Variants in EBF1 observed in about 807,000 individuals in gnomAD.
The protein encoded by EBF1 is transcription factor COE1.
Under a neutral mutation model 68.4 loss-of-function variants are expected in EBF1, and 10 were observed. The ratio of observed to expected loss-of-function variants is 0.15; its 90% CI spans 0.09 to 0.25. The LOEUF is 0.25. Ranked by LOEUF, EBF1 falls within the 10% of genes least tolerant of loss-of-function variation. The probability of loss-of-function intolerance (pLI) is 1.00; values close to 1 mark genes in which losing one functional copy is unlikely to be tolerated. For synonymous variants in EBF1, 298 were observed against 299.8 expected (o/e 0.99, Z 0.06); for missense variants, 509 against 794.4 (o/e 0.64, Z 4.32).
At chr5:158,729,871 T>A (rs1763731335) in intron 11 of EBF1, among the ~76,000 whole-genome samples, 1 of 152,208 alleles carries the variant, frequency 6.6e-6, no homozygotes, top group Non-Finnish European at 1.5e-5. Context: ...TTAGCGCTCC[T>A]CCTCTCCATG....
chr5:159,066,534 T>G (rs192681449), intron 6 of EBF1, among the ~76,000 whole-genome samples: 3 of 152,172 alleles, frequency 2.0e-5, no homozygotes, highest in South Asian at 4.2e-4. Context: ...TTTGCATCAT[T>G]TAACATATGT....
Position 158,905,027 on chromosome 5 carries a change from T to C in EBF1, c.555-64917A>G, listed in dbSNP as rs541667906. On this transcript the variant is annotated intron_variant, in intron 6 of 15. Coordinates refer to ENST00000313708, the MANE Select transcript of EBF1 (RefSeq NM_024007.5). The stretch of plus-strand genomic sequence containing the variant: ...CTCATATTATTCACATCTCACAGCA[T>C]TCTGTTTATCATCCCAGCTTCTCAC... Among the ~76,000 whole-genome samples, 83 of 152,330 alleles carry C rather than the reference T, an allele frequency of 5.4e-4. 2 individuals carry two copies. The highest frequency in any genetic ancestry group is 1.7e-3 in the African/African-American group (71 of 41,580).
chr5:158,988,545 G>C (rs186281699), intron 6 of EBF1, among the ~76,000 whole-genome samples: 1 of 152,264 alleles, frequency 6.6e-6, no homozygotes, highest in Non-Finnish European at 1.5e-5. Context: ...TCAAGAGTCA[G>C]TTTCTATTGC....
chr5:158,902,015 AG>A (rs924294930), intron 6 of EBF1, among the ~76,000 whole-genome samples: 2 of 152,054 alleles, frequency 1.3e-5, no homozygotes, highest in Admixed American at 6.6e-5. Flanking sequence ...CACTTGAACC[AG>A]GGGGGCGGAG....
intron 6 of EBF1, among the ~76,000 whole-genome samples, chr5:159,024,222 C>T (rs1436567240): frequency 6.6e-6 from 1 of 152,016 alleles, no homozygotes; most frequent in Non-Finnish European, 1.5e-5. Flanking sequence ...GGTCACTTTT[C>T]GTAGACTACT....
intron 10 of EBF1, among the ~76,000 whole-genome samples, chr5:158,773,618 C>T (rs1448947483): frequency 2.0e-5 from 3 of 151,852 alleles, no homozygotes; most frequent in Admixed American, 6.6e-5. Context: ...ATATATTCCC[C>T]GAGAATATAT....
chr5:158,930,476 A>G (rs1346271481), intron 6 of EBF1, among the ~76,000 whole-genome samples: 23 of 152,124 alleles, frequency 1.5e-4, no homozygotes, highest in Admixed American at 1.4e-3. Context: ...CCACCTTCCC[A>G]TGCCCTGGAG....
At chr5:158,907,500 C>T (rs929228000) in intron 6 of EBF1, among the ~76,000 whole-genome samples, 27 of 152,106 alleles carry the variant, frequency 1.8e-4, no homozygotes, top group African/African-American at 6.3e-4. Context: ...CACATTAACT[C>T]ATCACTGAGA....
intron 6 of EBF1, among the ~76,000 whole-genome samples, chr5:159,033,548 T>A (rs1392604225): frequency 2.0e-5 from 3 of 152,144 alleles, no homozygotes; most frequent in Non-Finnish European, 4.4e-5. Context: ...CGGAGGGAGT[T>A]AAGGAAGGGT....
chr5:158,797,565 G>A (rs1481253754), intron 8 of EBF1, among the ~76,000 whole-genome samples: 5 of 152,112 alleles, frequency 3.3e-5, no homozygotes, highest in South Asian at 2.1e-4. Context: ...TAATTTTAAC[G>A]GGAAAAAACT....
At chr5:158,716,632 C>T (rs1760774186) in intron 11 of EBF1, among the ~76,000 whole-genome samples, 1 of 152,180 alleles carries the variant, frequency 6.6e-6, no homozygotes, top group Non-Finnish European at 1.5e-5. Context: ...GGTATTTCTG[C>T]AAATGGGAAG....
At chr5:158,940,753 T>TC (rs1561573370) in intron 6 of EBF1, among the ~76,000 whole-genome samples, 12 of 7,680 alleles carry the variant, frequency 1.6e-3, no homozygotes, top group Admixed American at 6.9e-3. Flanking sequence ...TGCACCCCCT[T>TC]CACCCCACCG....
chr5:159,024,891 A>C (rs1268951357), intron 6 of EBF1, among the ~76,000 whole-genome samples: 1 of 152,194 alleles, frequency 6.6e-6, no homozygotes, highest in African/African-American at 2.4e-5. Flanking sequence ...AACCAGTTAA[A>C]ACTGAGCTGG....
At chr5:158,879,167 C>T (rs974124373) in intron 6 of EBF1, among the ~76,000 whole-genome samples, 2 of 152,104 alleles carry the variant, frequency 1.3e-5, no homozygotes, top group African/African-American at 2.4e-5. Flanking sequence ...TGTTTGTAAA[C>T]GTCTGGCATA....
intron 7 of EBF1, among the ~76,000 whole-genome samples, chr5:158,825,310 T>C: frequency 6.6e-6 from 1 of 152,226 alleles, no homozygotes; most frequent in East Asian, 1.9e-4. Context: ...GACGACTTCT[T>C]AGGACTTACA....
chr5:159,045,662 C>T (rs537589880), intron 6 of EBF1, among the ~76,000 whole-genome samples: 1 of 152,208 alleles, frequency 6.6e-6, no homozygotes, highest in African/African-American at 2.4e-5. Context: ...AGAATGCAGA[C>T]AATGACAGTC....
chr5:158,766,593 G>T (rs1481630818), intron 10 of EBF1, among the ~76,000 whole-genome samples: 3 of 152,090 alleles, frequency 2.0e-5, no homozygotes, highest in Non-Finnish European at 2.9e-5. Context: ...AAAAAAGGGA[G>T]AACACCAAAT....
intron 11 of EBF1, among the ~76,000 whole-genome samples, chr5:158,722,343 A>T (rs1270844240): frequency 2.0e-5 from 3 of 152,196 alleles, no homozygotes; most frequent in Non-Finnish European, 4.4e-5. Context: ...AAAGCCAAAA[A>T]TTAACTACTT....
intron 6 of EBF1, among the ~76,000 whole-genome samples, chr5:158,858,385 CAT>C (rs1275846997): frequency 6.6e-6 from 1 of 152,166 alleles, no homozygotes; most frequent in Non-Finnish European, 1.5e-5. Context: ...CACACACACA[CAT>C]GCACAGACAC....
Sources: gnomAD v4.1 joint callset for allele counts (sites outside exome capture counted in the v4.1 genomes callset) on GRCh38, gnomAD v4.1.1 for gene constraint, MANE v1.5 for transcripts, NCBI Gene and HGNC (gene_info 2026-07-23, HGNC 2026-07-21) for gene names.